The following ADAM22 variants were observed in gnomAD, a reference collection of about 807,000 sequenced individuals.
ADAM22 encodes ADAM metallopeptidase domain 22.
A neutral mutation model predicts 144.6 loss-of-function variants in ADAM22; 65 were observed. The ratio of observed to expected loss-of-function variants is 0.45; its 90% CI spans 0.37 to 0.55. The LOEUF (loss-of-function observed/expected upper bound fraction) is 0.55, where lower values mean the gene tolerates loss of function less well. ADAM22 is among the 20% of genes least tolerant of loss of function. The pLI, the probability that ADAM22 is intolerant of heterozygous loss-of-function variation, is 0.00. For synonymous variants in ADAM22, 391 were observed against 412.6 expected (o/e 0.95, Z 0.63); for missense variants, 974 against 1,184.9 (o/e 0.82, Z 2.61).
chr7:88,093,506 TTTTTG>T (rs1467931493), intron 4 of ADAM22, among the ~76,000 whole-genome samples: 2 of 152,018 alleles, frequency 1.3e-5, no homozygotes. Context: ...CATTTGATGT[TTTTTG>T]TTTTGTTTTG....
At chr7:88,021,666 C>G (rs2129466301) in intron 3 of ADAM22, among the ~76,000 whole-genome samples, 1 of 152,270 alleles carries the variant, frequency 6.6e-6, no homozygotes, top group East Asian at 1.9e-4. Context: ...AGCACAGTTT[C>G]CAGACCCACT....
intron 4 of ADAM22, among the ~76,000 whole-genome samples, chr7:88,097,906 T>A (rs1024473510): frequency 1.3e-5 from 2 of 152,126 alleles, no homozygotes; most frequent in African/African-American, 4.8e-5. Context: ...TATAATTTCA[T>A]GAGTTTGTAA....
intron 25 of ADAM22, 63 bp downstream of exon 25, chr7:88,168,290 A>G: frequency 6.7e-7 from 1 of 1,492,968 alleles, no homozygotes; most frequent in South Asian, 1.1e-5. Flanking sequence ...TGATTACATG[A>G]AAACATCTAG....
At chr7:88,003,377 A>C (rs531566771) in intron 3 of ADAM22, among the ~76,000 whole-genome samples, 16 of 152,350 alleles carry the variant, frequency 1.1e-4, no homozygotes, top group African/African-American at 2.9e-4. Context: ...ACAATTGCTT[A>C]ATATAAGAAG....
At chr7:87,986,981 T>G (rs1477618986) in intron 3 of ADAM22, among the ~76,000 whole-genome samples, 1 of 152,174 alleles carries the variant, frequency 6.6e-6, no homozygotes, top group Non-Finnish European at 1.5e-5. Flanking sequence ...TGCAACAGAT[T>G]TATCAGGTGA....
intron 3 of ADAM22, among the ~76,000 whole-genome samples, chr7:88,070,063 A>G (rs1380590687): frequency 1.3e-5 from 2 of 151,970 alleles, no homozygotes; most frequent in African/African-American, 4.8e-5. Context: ...CCTCACTATA[A>G]AGAGTTTGAA....
At chr7:88,135,920 A>G (rs1832891590) in intron 13 of ADAM22, 60 bp from the exon 14 acceptor site, 12 of 1,422,868 alleles carry the variant, frequency 8.4e-6, no homozygotes, top group Non-Finnish European at 1.1e-5. Context: ...TAAAACAGAA[A>G]CTACTTTAAT....
rs759244594 is a variant in ADAM22, at chr7:88,153,261, T to C, written c.1722T>C (p.Asn574=). Residue 574 remains asparagine, a synonymous_variant, in exon 21 of 32, where the codon AAT becomes AAC. Transcript: ENST00000413139. ...ASDKYCYEKL[N]IEGTEKGNCG... is the part of the protein sequence containing the mutation. ...ACAAATATTGCTATGAGAAACTGAA[T>C]ATTGAAGGGACGGAGAAGGGTAACT... The C allele has an allele frequency of 1.2e-6, 2 of 1,613,462 alleles. No individual in the cohort carries two copies.
intron 16 of ADAM22, 66 bp downstream of exon 16, chr7:88,145,262 G>A (rs1435556278): frequency 5.2e-6 from 8 of 1,530,848 alleles, no homozygotes; most frequent in Non-Finnish European, 7.2e-6. Context: ...TCCACACACT[G>A]AGATGTATGG....
At chr7:88,148,451 A>C (rs1415414908) in intron 17 of ADAM22, among the ~76,000 whole-genome samples, 2 of 152,174 alleles carry the variant, frequency 1.3e-5, no homozygotes, top group African/African-American at 4.8e-5. Flanking sequence ...TGAAGACTTA[A>C]ATAATAGAAA....
At chr7:88,111,175 A>T (rs1239628946) in intron 5 of ADAM22, among the ~76,000 whole-genome samples, 2 of 152,104 alleles carry the variant, frequency 1.3e-5, no homozygotes, top group Admixed American at 1.3e-4. Context: ...AGCACATAGG[A>T]TAAATATAAC....
At chr7:87,967,858 AG>A (rs1332227035) in intron 2 of ADAM22, among the ~76,000 whole-genome samples, 2 of 150,768 alleles carry the variant, frequency 1.3e-5, no homozygotes, top group African/African-American at 4.9e-5. Flanking sequence ...TTTGTGACAA[AG>A]TGTGCCAAGG....
chr7:87,968,340 G>C (rs888628423), intron 2 of ADAM22, among the ~76,000 whole-genome samples: 3 of 152,124 alleles, frequency 2.0e-5, no homozygotes, highest in African/African-American at 7.2e-5. Flanking sequence ...TATCAGAATC[G>C]CTGAATTTGA....
chr7:87,936,232 A>G (rs1841220564), intron 2 of ADAM22, among the ~76,000 whole-genome samples: 1 of 151,574 alleles, frequency 6.6e-6, no homozygotes, highest in Non-Finnish European at 1.5e-5. Context: ...TTGTTAATAG[A>G]AGGTGGGAAA....
chr7:87,996,079 A>C (rs1185327810), intron 3 of ADAM22, among the ~76,000 whole-genome samples: 1 of 152,176 alleles, frequency 6.6e-6, no homozygotes, highest in Non-Finnish European at 1.5e-5. Context: ...TTTATTTTGC[A>C]GTAATAGGGA....
chr7:88,028,793 A>C (rs1251889606), intron 3 of ADAM22, among the ~76,000 whole-genome samples: 2 of 151,948 alleles, frequency 1.3e-5, no homozygotes, highest in African/African-American at 4.8e-5. Context: ...TTGTCTTGAA[A>C]TCTATTTTGT....
At chr7:87,968,825 G>T (rs1279312851) in intron 2 of ADAM22, among the ~76,000 whole-genome samples, 1 of 152,182 alleles carries the variant, frequency 6.6e-6, no homozygotes, top group African/African-American at 2.4e-5. Flanking sequence ...GGGTTAGTTG[G>T]CTTATGGTTC....
At chr7:87,999,555 G>C (rs886158524) in intron 3 of ADAM22, among the ~76,000 whole-genome samples, 1 of 152,096 alleles carries the variant, frequency 6.6e-6, no homozygotes, top group Non-Finnish European at 1.5e-5. Flanking sequence ...CTAATCTTCT[G>C]TGTCACCCTA....
intron 27 of ADAM22, among the ~76,000 whole-genome samples, chr7:88,180,183 A>G (rs1473075422): frequency 6.6e-6 from 1 of 152,134 alleles, no homozygotes; most frequent in Non-Finnish European, 1.5e-5. Flanking sequence ...CAAAAGTAGA[A>G]ACACTAGTTG....
Sources: allele counts gnomAD v4.1 joint callset (sites outside exome capture counted in the v4.1 genomes callset), GRCh38; gene constraint gnomAD v4.1.1; transcripts MANE v1.5; gene names NCBI Gene and HGNC (gene_info 2026-07-23, HGNC 2026-07-21).